MYOF: variants seen among roughly 807,000 people sequenced by gnomAD.
MYOF encodes fer-1-like 3, myoferlin.
Under a neutral mutation model 284.2 loss-of-function variants are expected in MYOF, and 244 were observed. That is an observed-to-expected ratio of 0.86 (90% CI 0.77 to 0.95). MYOF has a LOEUF of 0.95. Ranked by LOEUF, MYOF falls within the 40% of genes least tolerant of loss-of-function variation. The probability of loss-of-function intolerance (pLI) is 0.00; values close to 1 mark genes in which losing one functional copy is unlikely to be tolerated. For missense variants in MYOF, 2,496 were observed against 2,560.6 expected, an observed-to-expected ratio of 0.97 and a Z score of 0.54; for synonymous variants, 904 against 919.7, an observed-to-expected ratio of 0.98 and a Z score of 0.31.
intron 19 of MYOF, among the ~76,000 whole-genome samples, chr10:93,384,687 G>A (rs1380782948): frequency 1.3e-5 from 2 of 151,716 alleles, no homozygotes; most frequent in Admixed American, 1.3e-4. Context: ...GTAGTCTATT[G>A]GACTTAGGTG....
intron 48 of MYOF, among the ~76,000 whole-genome samples, chr10:93,322,407 C>T (rs936583182): frequency 1.3e-5 from 2 of 152,128 alleles, no homozygotes; most frequent in Non-Finnish European, 2.9e-5. Flanking sequence ...TGAGGAACAG[C>T]GAGCTAACTA....
chr10:93,435,206 G>C (rs1256421670), intron 3 of MYOF, among the ~76,000 whole-genome samples: 2 of 152,196 alleles, frequency 1.3e-5, no homozygotes, highest in Non-Finnish European at 2.9e-5. Context: ...TTCTGCTAAA[G>C]TCAAAATGAC....
intron 13 of MYOF, among the ~76,000 whole-genome samples, chr10:93,397,877 G>A (rs1847097977): frequency 1.3e-5 from 2 of 151,824 alleles, no homozygotes; most frequent in Admixed American, 1.3e-4. Flanking sequence ...CTTCATTCAG[G>A]TGGTCAGGCT....
chr10:93,462,859 T>A (rs1366084897), intron 1 of MYOF, among the ~76,000 whole-genome samples: 2 of 152,008 alleles, frequency 1.3e-5, no homozygotes, highest in Non-Finnish European at 2.9e-5. Flanking sequence ...CTGCAGGCAC[T>A]GAACATCAAA....
chr10:93,347,012 C>T (rs1844213107), intron 37 of MYOF, among the ~76,000 whole-genome samples: 1 of 152,146 alleles, frequency 6.6e-6, no homozygotes, highest in Non-Finnish European at 1.5e-5. Flanking sequence ...TTAACACTTC[C>T]TCAAAAGAAG....
chr10:93,453,915 G>A (rs139315750), intron 2 of MYOF, among the ~76,000 whole-genome samples: 7,498 of 152,124 alleles, frequency 0.049, 618 homozygotes, highest in African/African-American at 0.17. Context: ...GGGCGCAGTG[G>A]CTCATGCCTG....
chr10:93,419,645 A>G (rs1848273147), intron 5 of MYOF, among the ~76,000 whole-genome samples: 1 of 152,240 alleles, frequency 6.6e-6, no homozygotes, highest in Admixed American at 6.5e-5. Flanking sequence ...TTCTGAAAGC[A>G]ATTGTTTCCT....
At position 93,343,845 on chromosome 10, in the gene MYOF, C is replaced by G; in HGVS notation, c.4326+11G>C. On this transcript the variant is annotated intron_variant, in intron 38 of 53. Coordinates refer to ENST00000359263, the MANE Select transcript of MYOF (RefSeq NM_013451.4). ...AACTGACAGCATCCACTGATCAGCT[C>G]TGAAGCCTACCTTAGAAGCCAGTAA... The G allele has an allele frequency of 6.2e-7, 1 of 1,614,076 alleles. No individual in the cohort carries two copies.
intron 49 of MYOF, among the ~76,000 whole-genome samples, chr10:93,319,591 A>G (rs757717614): frequency 2.6e-5 from 4 of 152,170 alleles, no homozygotes; most frequent in Non-Finnish European, 5.9e-5. Flanking sequence ...TGTTGTTTAT[A>G]CTAATACAAA....
intron 20 of MYOF, 134 bp downstream of exon 20, chr10:93,381,085 C>G: frequency 1.0e-6 from 1 of 999,480 alleles, no homozygotes; most frequent in Non-Finnish European, 1.5e-6. Context: ...CACTCTCTTC[C>G]TCATTCAACC....
chr10:93,460,782 A>AGAAAG (rs71031510), intron 1 of MYOF, among the ~76,000 whole-genome samples: 21 of 140,092 alleles, frequency 1.5e-4, no homozygotes, highest in African/African-American at 5.3e-4. Flanking sequence ...AAAAAAAAAA[A>AGAAAG]AAAGAAAGAA....
chr10:93,320,165 T>C (rs78775273), intron 48 of MYOF, 152 bp from the exon 49 acceptor site: 46,015 of 894,302 alleles, frequency 0.051, 1,523 homozygotes, highest in Middle Eastern at 0.082. Flanking sequence ...GGGTGATTTA[T>C]GGAGGGGAGG....
intron 1 of MYOF, among the ~76,000 whole-genome samples, chr10:93,477,284 G>C (rs1207378687): frequency 6.6e-6 from 1 of 151,904 alleles, no homozygotes; most frequent in Admixed American, 6.6e-5. Flanking sequence ...CTGAGGTCAG[G>C]AGTTCAAGAC....
intron 5 of MYOF, 130 bp downstream of exon 5, chr10:93,425,941 G>C: frequency 2.2e-6 from 2 of 902,178 alleles, no homozygotes; most frequent in Non-Finnish European, 3.4e-6. Context: ...CCTGCCTCTC[G>C]GGGCCCCTGT....
At chr10:93,310,402 AC>A in intron 52 of MYOF, 131 bp downstream of exon 52, 1 of 1,016,226 alleles carries the variant, frequency 9.8e-7, no homozygotes, top group Non-Finnish European at 1.4e-6. Flanking sequence ...CAACCTCTCC[AC>A]CCCCACCCAC....
At chr10:93,456,028 T>TG (rs1188993483) in intron 2 of MYOF, among the ~76,000 whole-genome samples, 1 of 152,120 alleles carries the variant, frequency 6.6e-6, no homozygotes, top group Non-Finnish European at 1.5e-5. Flanking sequence ...AGGTCGACAG[T>TG]GGGGGGAGGT....
chr10:93,391,391 A>G (rs1241013025), intron 17 of MYOF, among the ~76,000 whole-genome samples: 3 of 152,076 alleles, frequency 2.0e-5, no homozygotes, highest in Admixed American at 2.0e-4. Flanking sequence ...CAGGAGTTCT[A>G]GACCAGCCTG....
At chr10:93,426,663 T>G (rs985046972) in intron 4 of MYOF, among the ~76,000 whole-genome samples, 11 of 152,146 alleles carry the variant, frequency 7.2e-5, no homozygotes, top group African/African-American at 2.4e-4. Context: ...CCGAAGCGGG[T>G]GGATCACCTG....
intron 16 of MYOF, among the ~76,000 whole-genome samples, chr10:93,394,446 G>GTTTTTTTTTTTT (rs1411982961): frequency 3.0e-5 from 1 of 33,484 alleles, no homozygotes; most frequent in Non-Finnish European, 6.6e-5. Flanking sequence ...TCACCATCTT[G>GTTTTTTTTTTTT]TCTTTTTTTT....
Sources: gnomAD v4.1 joint callset for allele counts (sites outside exome capture counted in the v4.1 genomes callset) on GRCh38, gnomAD v4.1.1 for gene constraint, MANE v1.5 for transcripts, NCBI Gene and HGNC (gene_info 2026-07-23, HGNC 2026-07-21) for gene names.